PBX4: variants seen among roughly 807,000 people sequenced by gnomAD.
PBX4 encodes the protein PBX homeobox 4.
Under a neutral mutation model 35.1 loss-of-function variants are expected in PBX4, and 26 were observed. That is an observed-to-expected ratio of 0.74 (90% confidence interval 0.54 to 1.03). The LOEUF (loss-of-function observed/expected upper bound fraction) is 1.03. Among genes scored for constraint, PBX4 ranks in the 50% least tolerant of loss-of-function variants. The probability of loss-of-function intolerance (pLI) is 0.00; values close to 1 mark genes in which losing one functional copy is unlikely to be tolerated. For missense variants in PBX4, 448 were observed against 504.3 expected (o/e 0.89, Z 1.07); for synonymous variants, 199 against 204.2 (o/e 0.97, Z 0.22).
chr19:19,584,429 G>A (rs1363915406), intron 2 of PBX4, among the ~76,000 whole-genome samples: 1 of 152,094 alleles, frequency 6.6e-6, no homozygotes, highest in African/African-American at 2.4e-5. Context: ...CAGTCAAGGA[G>A]ACCAGAAACT....
chr19:19,569,420 T>A, intron 5 of PBX4, 29 bp downstream of exon 5: 1 of 1,598,414 alleles, frequency 6.3e-7, no homozygotes, highest in Non-Finnish European at 8.5e-7. Context: ...CTCCCAGGCG[T>A]GGCGAGACGT....
At chr19:19,599,220 G>A (rs1654018826) in intron 2 of PBX4, 72 bp downstream of exon 2, 15 of 1,300,726 alleles carry the variant, frequency 1.2e-5, no homozygotes, top group Middle Eastern at 2.5e-4. Context: ...GCCCGCCTCC[G>A]CCTCCCAATG....
At chr19:19,601,678 T>C (rs2061598157) in intron 1 of PBX4, among the ~76,000 whole-genome samples, 1 of 151,970 alleles carries the variant, frequency 6.6e-6, no homozygotes, top group Non-Finnish European at 1.5e-5. Context: ...AAAGTCATGA[T>C]GATGTAAGGG....
At chr19:19,573,315 GAA>G (rs1221032300) in intron 2 of PBX4, among the ~76,000 whole-genome samples, 3 of 71,562 alleles carry the variant, frequency 4.2e-5, no homozygotes, top group South Asian at 4.7e-4. Flanking sequence ...CCAAAAAAAA[GAA>G]AAAAAAAAAA....
rs545669918 is a variant in PBX4, at chr19:19,605,625, C to CATAA, written c.120-6264_120-6261dup. 1.3e-3 allele frequency among the ~76,000 whole-genome samples: 193 copies of CATAA among 150,954 alleles called. 2 individuals carry two copies. Among genetic ancestry groups the CATAA allele is most frequent in the Middle Eastern group, 0.01 (3 of 286 alleles). On this transcript the variant is annotated intron_variant, in intron 1 of 7. Transcript: ENST00000251203. ...TGGGCGACAGAGTGAGACCCTGTCTCATAAATAAATAAATAAATAAATAAA... is the reference window on the plus strand; with the variant it reads ...TGGGCGACAGAGTGAGACCCTGTCTCATAAATAAATAAATAAATAAATAAATAAA...
intron 2 of PBX4, among the ~76,000 whole-genome samples, chr19:19,583,430 G>T (rs1221232914): frequency 6.6e-6 from 1 of 151,930 alleles, no homozygotes; most frequent in South Asian, 2.1e-4. Flanking sequence ...GGGCAACATA[G>T]CAAGACCCCA....
chr19:19,569,119 C>T (rs921778775), intron 5 of PBX4, among the ~76,000 whole-genome samples: 7 of 152,114 alleles, frequency 4.6e-5, no homozygotes, highest in Non-Finnish European at 8.8e-5. Flanking sequence ...AATGCAGTGG[C>T]GCCATCATAG....
At chr19:19,587,953 A>G (rs1365622771) in intron 2 of PBX4, 1 of 407,576 alleles carries the variant, frequency 2.5e-6, no homozygotes, top group Non-Finnish European at 4.5e-6. Context: ...GGGGGTGGCA[A>G]GCTGCCAGTA....
At chr19:19,609,907 G>A (rs1419996575) in intron 1 of PBX4, among the ~76,000 whole-genome samples, 3 of 152,108 alleles carry the variant, frequency 2.0e-5, no homozygotes, top group Non-Finnish European at 4.4e-5. Flanking sequence ...ACTTCCTAGG[G>A]TTCTGGGGAG....
chr19:19,589,193 T>C (rs1221530639), intron 2 of PBX4, among the ~76,000 whole-genome samples: 1 of 151,478 alleles, frequency 6.6e-6, no homozygotes. Flanking sequence ...CGTTGAGAGG[T>C]CGAGGCCGGC....
At chr19:19,565,217 TGAA>T in intron 5 of PBX4, 128 bp from the exon 6 acceptor site, 1 of 1,170,210 alleles carries the variant, frequency 8.5e-7, no homozygotes, top group Non-Finnish European at 1.2e-6. Flanking sequence ...CCTGGGGCTA[TGAA>T]GAGTCTGGGA....
intron 2 of PBX4, among the ~76,000 whole-genome samples, chr19:19,596,226 T>C (rs957612682): frequency 6.6e-6 from 1 of 151,956 alleles, no homozygotes; most frequent in Admixed American, 6.6e-5. Flanking sequence ...ACCCTGTCTC[T>C]ACTAAAAATA....
rs763640323 is a variant in PBX4 at position 19,570,739 on chromosome 19, G to C, written c.288C>G (p.Pro96=). 3.7e-6 allele frequency: 6 copies of C among 1,613,936 alleles called. No homozygotes were observed. Among genetic ancestry groups the C allele is most frequent in the Non-Finnish European group, 5.1e-6 (6 of 1,180,026 alleles). The change falls in exon 3 of 8, where the codon CCC becomes CCG. Residue 96 remains proline (P), a synonymous_variant. Transcript: ENST00000251203. ...NMLLAEGVCR[P]EKRGRGGAVA... ...CCGCTCCTCCTCTTCCTCTCTTCTCGGGCCTGCACACGCCCTCAGCCAGCA... is the reference window on the plus strand; with the variant it reads ...CCGCTCCTCCTCTTCCTCTCTTCTCCGGCCTGCACACGCCCTCAGCCAGCA...
Position 19,569,458 on chromosome 19 carries a change from G to T in PBX4, c.759C>A (p.Thr253=), listed in dbSNP as rs1164164050. 2 of 1,611,622 alleles carry T rather than the reference G, an allele frequency of 1.2e-6. No individual in the cohort carries two copies. Among genetic ancestry groups the T allele is most frequent in the African/African-American group, 2.7e-5 (2 of 74,696 alleles). The part of the protein sequence containing the change: ...KEELARKGGL[T]ISQVSNWFGN... ...CAGGAGAGAACGTCACCTGGGAGAT[G>T]GTGAGGCCGCCCTTCCTGGCCAGCT... is the stretch of plus-strand genomic sequence containing the variant. The change falls in exon 5 of 8, where the codon ACC becomes ACA. Residue 253 remains threonine, a synonymous_variant. Coordinates refer to ENST00000251203, the MANE Select transcript of PBX4 (RefSeq NM_025245.3).
intron 1 of PBX4, 93 bp from the exon 2 acceptor site, chr19:19,599,458 A>C: frequency 9.4e-7 from 1 of 1,060,184 alleles, no homozygotes; most frequent in Non-Finnish European, 1.4e-6. Context: ...AAATCAAACC[A>C]AACGAGATCT....
intron 1 of PBX4, among the ~76,000 whole-genome samples, chr19:19,604,710 C>T (rs904691276): frequency 6.6e-5 from 10 of 151,984 alleles, no homozygotes; most frequent in Admixed American, 6.6e-4. Context: ...AAGTGATTCT[C>T]CTGCCTCAGC....
chr19:19,570,347 G>A (rs764596686), intron 3 of PBX4, 48 bp from the exon 4 acceptor site: 15 of 1,553,764 alleles, frequency 9.7e-6, no homozygotes, highest in African/African-American at 1.4e-5. Context: ...GCAGCAGGGT[G>A]GCACAGGGCA....
intron 5 of PBX4, among the ~76,000 whole-genome samples, chr19:19,567,374 A>G (rs1157835758): frequency 6.6e-6 from 1 of 152,174 alleles, no homozygotes; most frequent in Non-Finnish European, 1.5e-5. Context: ...AGGGGTTCCA[A>G]TTGCTCTCTG....
intron 2 of PBX4, among the ~76,000 whole-genome samples, chr19:19,582,911 A>C (rs913152601): frequency 6.6e-6 from 1 of 152,242 alleles, no homozygotes; most frequent in Non-Finnish European, 1.5e-5. Flanking sequence ...GGCACCGAAG[A>C]AGTGAGCCAC....
Sources: allele counts gnomAD v4.1 joint callset (sites outside exome capture counted in the v4.1 genomes callset), GRCh38; gene constraint gnomAD v4.1.1; transcripts MANE v1.5; gene names NCBI Gene and HGNC (gene_info 2026-07-23, HGNC 2026-07-21).